Variants in PSMA1 observed in about 807,000 individuals in gnomAD.
PSMA1 encodes proteasome subunit alpha type-1.
PSMA1 carries 3 observed loss-of-function variants against 38.4 expected under a neutral mutation model. The observed-to-expected ratio is 0.08, with a 90% CI of 0.04 to 0.20. The LOEUF is 0.20. Among genes scored for constraint, PSMA1 ranks in the 10% least tolerant of loss-of-function variants. The probability of loss-of-function intolerance (pLI) is 1.00; values close to 1 mark genes in which losing one functional copy is unlikely to be tolerated. For synonymous variants in PSMA1, 101 were observed against 107.1 expected (o/e 0.94, Z 0.35); for missense variants, 227 against 325.3 (o/e 0.70, Z 2.32).
intron 2 of PSMA1, among the ~76,000 whole-genome samples, chr11:14,551,161 T>A (rs1851879842): frequency 1.3e-5 from 2 of 152,340 alleles, no homozygotes; most frequent in Middle Eastern, 3.4e-3. Context: ...TAATTTTTGA[T>A]GTATAATTAT....
At chr11:14,520,671 C>T, upstream of PSMA1, 1 of 386,426 alleles carries the variant, frequency 2.6e-6, no homozygotes, top group Non-Finnish European at 4.7e-6. Flanking sequence ...TCGTCCGAGT[C>T]AACAGCCGTG....
chr11:14,605,026 T>A (rs1040742145), intron 2 of PSMA1, among the ~76,000 whole-genome samples: 1 of 152,222 alleles, frequency 6.6e-6, no homozygotes, highest in Admixed American at 6.5e-5. Flanking sequence ...AGAATACATA[T>A]GCATTTTTGG....
In PSMA1 at chr11:14,600,848, G is replaced by A. The variant is rs146950184; in HGVS notation, c.21+10118C>T. Among the ~76,000 whole-genome samples the A allele has an allele frequency of 5.4e-4, 82 of 152,326 alleles. 1 individual carries two copies. In the East Asian group the frequency reaches 0.014, roughly 26 times the overall value. ...TCGATCCTGCTGGGAGCTGCAGACA[G>A]GAGCTGTTCCTATTTGGCCATCTTG... On this transcript the variant is annotated intron_variant, in intron 2 of 10. Coordinates refer to the PSMA1 transcript ENST00000418988.
intron 2 of PSMA1, among the ~76,000 whole-genome samples, chr11:14,602,894 A>G (rs370953006): frequency 5.9e-5 from 9 of 152,272 alleles, no homozygotes; most frequent in African/African-American, 1.4e-4. Flanking sequence ...AGTGACCCCA[A>G]TACAGGATGG....
At chr11:14,531,913 T>C (rs1851651148) in intron 2 of PSMA1, among the ~76,000 whole-genome samples, 1 of 152,210 alleles carries the variant, frequency 6.6e-6, no homozygotes, top group Non-Finnish European at 1.5e-5. Context: ...TATCAGATTA[T>C]GTATTACCTT....
At chr11:14,623,919 G>T (rs889981036) in intron 1 of PSMA1, among the ~76,000 whole-genome samples, 1 of 152,130 alleles carries the variant, frequency 6.6e-6, no homozygotes, top group Non-Finnish European at 1.5e-5. Flanking sequence ...AGGGCTAGAG[G>T]GTTGTTTTCA....
chr11:14,628,243 T>G (rs1379515737), intron 1 of PSMA1, among the ~76,000 whole-genome samples: 1 of 150,802 alleles, frequency 6.6e-6, no homozygotes, highest in Non-Finnish European at 1.5e-5. Flanking sequence ...TGTATACATG[T>G]GCCATGCTGG....
At chr11:14,638,789 T>C (rs1031444545) in intron 1 of PSMA1, among the ~76,000 whole-genome samples, 1 of 150,366 alleles carries the variant, frequency 6.7e-6, no homozygotes, top group Non-Finnish European at 1.5e-5. Flanking sequence ...AACTCCACAA[T>C]TAACCACAAG....
At chr11:14,642,052 T>A (rs1853210731) in intron 1 of PSMA1, among the ~76,000 whole-genome samples, 1 of 152,188 alleles carries the variant, frequency 6.6e-6, no homozygotes, top group East Asian at 1.9e-4. Flanking sequence ...CATGATCACG[T>A]GCCAATCCTA....
rs1445816449 is a variant in PSMA1, at chr11:14,630,334, G to A, written c.-166+13121C>T. The stretch of plus-strand genomic sequence containing the variant: ...GATAGCTCTTATTATTTTGAGATAC[G>A]TCCCATCAATACCTAATTTATTGAG... On this transcript the variant is annotated intron_variant, in intron 1 of 10. Transcript: ENST00000418988. Among the ~76,000 whole-genome samples the A allele has an allele frequency of 9.9e-5, 15 of 152,232 alleles. No individual in the cohort carries two copies. In the East Asian group the frequency reaches 2.3e-3, roughly 23 times the overall value.
chr11:14,521,482 A>T (rs1851528905), upstream of PSMA1, among the ~76,000 whole-genome samples: 1 of 130,010 alleles, frequency 7.7e-6, no homozygotes, highest in Non-Finnish European at 1.6e-5. Context: ...GGCAATAGAG[A>T]TTCTGTTTCA....
intron 2 of PSMA1, among the ~76,000 whole-genome samples, chr11:14,591,766 T>A (rs1263132949): frequency 6.6e-6 from 1 of 152,068 alleles, no homozygotes; most frequent in Non-Finnish European, 1.5e-5. Context: ...AGCGCCCTGT[T>A]AAAACAGGCC....
chr11:14,629,627 C>A (rs1281155720), intron 1 of PSMA1, among the ~76,000 whole-genome samples: 1 of 152,140 alleles, frequency 6.6e-6, no homozygotes, highest in African/African-American at 2.4e-5. Flanking sequence ...GTTCTTTTGG[C>A]TTAGGATTGA....
At chr11:14,609,860 C>G (rs151106202) in intron 2 of PSMA1, among the ~76,000 whole-genome samples, 1 of 152,262 alleles carries the variant, frequency 6.6e-6, no homozygotes, top group East Asian at 1.9e-4. Flanking sequence ...AACACGATCA[C>G]CTGGATGCTT....
chr11:14,557,180 G>T (rs1851949917), intron 2 of PSMA1, among the ~76,000 whole-genome samples: 1 of 152,108 alleles, frequency 6.6e-6, no homozygotes, highest in South Asian at 2.1e-4. Context: ...CACCTGAACT[G>T]ACTTTCTAGG....
rs917691188 is a variant in PSMA1, at chr11:14,534,930, C to T, written c.22-15889G>A. 2.6e-5 allele frequency among the ~76,000 whole-genome samples: 4 copies of T among 151,932 alleles called. No individual in the cohort carries two copies. The highest frequency in any genetic ancestry group is 4.4e-5 in the Non-Finnish European group (3 of 67,968). On this transcript the variant is annotated intron_variant, in intron 2 of 10. Coordinates refer to the PSMA1 transcript ENST00000418988. The surrounding 1 kb of genome is among the most constrained non-coding windows in gnomAD (Gnocchi z 4.5). The stretch of plus-strand genomic sequence containing the variant: ...GTCTCTACTAAAAATACAAAATTAG[C>T]GGGCATGGTGGCAGACGCCTGTAAT...
chr11:14,586,584 T>A (rs1852348347), intron 2 of PSMA1, among the ~76,000 whole-genome samples: 1 of 152,204 alleles, frequency 6.6e-6, no homozygotes, highest in African/African-American at 2.4e-5. Context: ...TTAAAAAGAA[T>A]GAATAGTATT....
At chr11:14,600,134 A>C (rs1852561368) in intron 2 of PSMA1, among the ~76,000 whole-genome samples, 1 of 152,134 alleles carries the variant, frequency 6.6e-6, no homozygotes. Flanking sequence ...CCAGAGAGGC[A>C]GCCACCTATA....
At chr11:14,511,647 G>A (rs1380725620) in intron 7 of PSMA1, among the ~76,000 whole-genome samples, 1 of 152,054 alleles carries the variant, frequency 6.6e-6, no homozygotes, top group African/African-American at 2.4e-5. Context: ...TAATTGAAAG[G>A]AACCTCTTCA....
Sources: allele counts gnomAD v4.1 joint callset (sites outside exome capture counted in the v4.1 genomes callset), GRCh38; gene constraint gnomAD v4.1.1; non-coding constraint Gnocchi (gnomAD v3.1); transcripts MANE v1.5; gene names NCBI Gene and HGNC (gene_info 2026-07-23, HGNC 2026-07-21).